Variants in ELP3 observed in about 807,000 individuals in gnomAD.
The protein encoded by ELP3 is elongator acetyltransferase complex subunit 3.
ELP3 carries 56 observed loss-of-function variants against 74.9 expected under a neutral mutation model. The observed-to-expected ratio is 0.75, with a 90% confidence interval of 0.60 to 0.93. The LOEUF (loss-of-function observed/expected upper bound fraction) is 0.93, where lower values mean the gene tolerates loss of function less well. Ranked by LOEUF, ELP3 falls within the 40% of genes least tolerant of loss-of-function variation. ELP3 has a pLI of 0.00. For missense variants in ELP3, 573 were observed against 686.5 expected (o/e 0.83, Z 1.85); for synonymous variants, 222 against 239.8 (o/e 0.93, Z 0.68).
chr8:28,099,974 A>G lies in ELP3; in HGVS notation c.258+8A>G. ...ATCAGAACTGCTAGTGGGGTGAGTG[A>G]TTCGACTCATGAGGTATCGACACAC... On this transcript the variant is annotated splice_region_variant and intron_variant, in intron 3 of 14. Transcript: ENST00000256398. 6.2e-7 allele frequency: 1 copy of G among 1,614,106 alleles called. No homozygotes were observed.
intron 14 of ELP3, among the ~76,000 whole-genome samples, chr8:28,188,285 A>G (rs1188033322): frequency 1.3e-5 from 2 of 152,128 alleles, no homozygotes; most frequent in African/African-American, 4.8e-5. Flanking sequence ...AAAAAATATA[A>G]TTTGGTCTCT....
At position 28,106,698 on chromosome 8, in the gene ELP3, ATCTT is replaced by A. The variant is rs770560707; in HGVS notation, c.259-9_259-6del. On this transcript the variant is annotated splice_polypyrimidine_tract_variant and intron_variant, in intron 3 of 14. Transcript: ENST00000256398. ...TTATCCTATAATAGCTTTTTTATTC[ATCTT>A]TCTTTTATAGATTGCTGTCGTGGCT... 1 of 1,608,886 alleles carries A rather than the reference ATCTT, an allele frequency of 6.2e-7. No homozygotes were observed. The highest frequency in any genetic ancestry group is 8.5e-7 in the Non-Finnish European group (1 of 1,176,548).
At chr8:28,121,647 T>C (rs1482704829) in intron 7 of ELP3, among the ~76,000 whole-genome samples, 2 of 152,170 alleles carry the variant, frequency 1.3e-5, no homozygotes, top group African/African-American at 4.8e-5. Flanking sequence ...AAATTTTTGC[T>C]GCTAATATAT....
upstream of ELP3, among the ~76,000 whole-genome samples, chr8:28,092,257 G>T (rs1403090955): frequency 6.6e-6 from 1 of 152,056 alleles, no homozygotes; most frequent in African/African-American, 2.4e-5. Context: ...TTGAGACAGG[G>T]TCTCGCTCTG....
intron 7 of ELP3, among the ~76,000 whole-genome samples, chr8:28,128,299 C>G (rs1417797582): frequency 3.9e-5 from 6 of 152,034 alleles, no homozygotes; most frequent in Non-Finnish European, 1.5e-5. Flanking sequence ...CAAAGTGAAA[C>G]CCCGTCTCTA....
intron 10 of ELP3, among the ~76,000 whole-genome samples, chr8:28,143,464 C>T (rs911761221): frequency 2.0e-5 from 3 of 152,144 alleles, no homozygotes; most frequent in African/African-American, 4.8e-5. Context: ...CCAAAAATTT[C>T]CTTACAAAGT....
At chr8:28,106,672 A>G (rs953321216) in intron 3 of ELP3, 41 bp from the exon 4 acceptor site, 23 of 1,560,732 alleles carry the variant, frequency 1.5e-5, no homozygotes, top group Non-Finnish European at 1.9e-5. Flanking sequence ...TTTTATATTA[A>G]TTATCCTATA....
intron 7 of ELP3, among the ~76,000 whole-genome samples, chr8:28,124,146 T>A (rs925520164): frequency 6.6e-6 from 1 of 152,170 alleles, no homozygotes; most frequent in African/African-American, 2.4e-5. Context: ...CTTTATAATG[T>A]ATTTTTTCTA....
chr8:28,120,708 A>AT (rs1265013416), intron 7 of ELP3, among the ~76,000 whole-genome samples: 2 of 152,184 alleles, frequency 1.3e-5, no homozygotes, highest in African/African-American at 4.8e-5. Context: ...TCCATCTTGA[A>AT]TTAATTCTTA....
At chr8:28,133,634 G>A (rs940875209) in intron 9 of ELP3, among the ~76,000 whole-genome samples, 3 of 151,972 alleles carry the variant, frequency 2.0e-5, no homozygotes, top group African/African-American at 4.8e-5. Context: ...AGATGATGAC[G>A]ATATTTATCA....
At chr8:28,136,642 G>A (rs1237329485) in intron 9 of ELP3, among the ~76,000 whole-genome samples, 1 of 152,214 alleles carries the variant, frequency 6.6e-6, no homozygotes, top group Non-Finnish European at 1.5e-5. Context: ...ATGAGAGATG[G>A]AAAAGTCTAT....
intron 10 of ELP3, 152 bp from the exon 11 acceptor site, chr8:28,155,790 G>A: frequency 1.8e-6 from 1 of 569,460 alleles, no homozygotes; most frequent in Non-Finnish European, 3.1e-6. Context: ...GAAGCTCCTT[G>A]TTAGGAGGCT....
intron 14 of ELP3, among the ~76,000 whole-genome samples, chr8:28,185,399 A>C (rs1275348436): frequency 2.6e-5 from 4 of 152,366 alleles, no homozygotes; most frequent in Non-Finnish European, 4.4e-5. Context: ...CAACATAAGA[A>C]TAGCTGAACA....
intron 14 of ELP3, among the ~76,000 whole-genome samples, chr8:28,182,366 C>A (rs937020966): frequency 6.6e-6 from 1 of 152,140 alleles, no homozygotes; most frequent in Non-Finnish European, 1.5e-5. Context: ...TCGAGACCAG[C>A]CTGGCCAACA....
chr8:28,142,889 T>C (rs1813299002), intron 10 of ELP3, among the ~76,000 whole-genome samples: 1 of 152,182 alleles, frequency 6.6e-6, no homozygotes, highest in South Asian at 2.1e-4. Flanking sequence ...TACCTTACTG[T>C]GGACTGAGGT....
At chr8:28,095,285 G>A (rs887552479) in intron 1 of ELP3, among the ~76,000 whole-genome samples, 4 of 152,146 alleles carry the variant, frequency 2.6e-5, no homozygotes, top group African/African-American at 9.7e-5. Context: ...TATACAAGTG[G>A]TTTCCAAATC....
At chr8:28,178,003 A>G (rs1421697241) in intron 14 of ELP3, among the ~76,000 whole-genome samples, 2 of 152,204 alleles carry the variant, frequency 1.3e-5, no homozygotes, top group Non-Finnish European at 2.9e-5. Flanking sequence ...TTCATTCCCC[A>G]TTTAAGCAGT....
At chr8:28,144,415 G>C (rs1317510395) in intron 10 of ELP3, among the ~76,000 whole-genome samples, 1 of 152,134 alleles carries the variant, frequency 6.6e-6, no homozygotes, top group Non-Finnish European at 1.5e-5. Context: ...TTCAAGACCA[G>C]CCTGGGAAAC....
intron 14 of ELP3, among the ~76,000 whole-genome samples, chr8:28,183,010 G>A (rs1272779262): frequency 2.0e-5 from 3 of 152,200 alleles, no homozygotes; most frequent in Non-Finnish European, 4.4e-5. Flanking sequence ...CCCACTGAGT[G>A]CTGAATAACT....
Sources: allele counts gnomAD v4.1 joint callset (sites outside exome capture counted in the v4.1 genomes callset), GRCh38; gene constraint gnomAD v4.1.1; transcripts MANE v1.5; gene names NCBI Gene and HGNC (gene_info 2026-07-23, HGNC 2026-07-21).